The following PIBF1 variants were observed in gnomAD, a reference collection of about 807,000 sequenced individuals.
PIBF1 encodes progesterone immunomodulatory binding factor 1, also known as progesterone-induced-blocking factor 1.
PIBF1 carries 90 observed loss-of-function variants against 112.5 expected under a neutral mutation model. The ratio of observed to expected loss-of-function variants is 0.80; its 90% CI spans 0.67 to 0.95. The LOEUF is 0.95. Ranked by LOEUF, PIBF1 falls within the 40% of genes least tolerant of loss-of-function variation. PIBF1 has a pLI of 0.00. For synonymous variants in PIBF1, 301 were observed against 288.6 expected (o/e 1.04, Z -0.44); for missense variants, 915 against 852.3 (o/e 1.07, Z -0.92).
chr13:72,857,398 G>A (rs1006129118), intron 10 of PIBF1, among the ~76,000 whole-genome samples: 6 of 152,230 alleles, frequency 3.9e-5, no homozygotes, highest in Non-Finnish European at 8.8e-5. Flanking sequence ...AATGAAAAAT[G>A]TTGGTGTGGC....
chr13:72,805,363 C>T (rs950993788), intron 5 of PIBF1, among the ~76,000 whole-genome samples: 4 of 152,246 alleles, frequency 2.6e-5, no homozygotes, highest in African/African-American at 7.2e-5. Flanking sequence ...AGGATGGTCT[C>T]GATCTCCTGA....
At chr13:72,974,607 G>A (rs1411877131) in intron 16 of PIBF1, among the ~76,000 whole-genome samples, 2 of 151,972 alleles carry the variant, frequency 1.3e-5, no homozygotes, top group East Asian at 1.9e-4. Flanking sequence ...GTGTGAGCCT[G>A]TACATACATC....
At chr13:72,966,757 A>C (rs1264554909) in intron 15 of PIBF1, among the ~76,000 whole-genome samples, 1 of 151,798 alleles carries the variant, frequency 6.6e-6, no homozygotes, top group African/African-American at 2.4e-5. Context: ...ACAAATACAA[A>C]AGTTAGCTGA....
In PIBF1 at chr13:72,910,159, A is replaced by G. The variant is rs371046232; in HGVS notation, c.1639+1478A>G. On this transcript the variant is annotated intron_variant, in intron 12 of 17. Coordinates refer to ENST00000326291, the MANE Select transcript of PIBF1 (RefSeq NM_006346.4). ...CTTATTTCTTTCCTATCATTGTCCT[A>G]TTTCCCATTTCCAAGGTCAATGTCT... Among the ~76,000 whole-genome samples, 13 of 152,260 alleles carry G rather than the reference A, an allele frequency of 8.5e-5. No homozygotes were observed. In the South Asian group the frequency reaches 1.0e-3, roughly 12 times the overall value.
chr13:72,841,283 C>G (rs574638625), intron 9 of PIBF1, among the ~76,000 whole-genome samples: 3 of 152,238 alleles, frequency 2.0e-5, no homozygotes, highest in East Asian at 1.9e-4. Flanking sequence ...TAAATAACTT[C>G]TTGCTTAGTA....
At position 72,945,762 on chromosome 13, in the gene PIBF1, CAAT is replaced by C. The variant is rs1438725144; in HGVS notation, c.1833+14504_1833+14506del. On this transcript the variant is annotated intron_variant, in intron 14 of 17. Coordinates refer to ENST00000326291, the MANE Select transcript of PIBF1 (RefSeq NM_006346.4). ...GTTGAATCAAAAAGCCAAAGCTAAGCAATAATAATAAGACAAAAATGAATATAA... is the reference window on the plus strand; with the variant it reads ...GTTGAATCAAAAAGCCAAAGCTAAGCAATAATAAGACAAAAATGAATATAA... 8.6e-5 allele frequency among the ~76,000 whole-genome samples: 13 copies of C among 151,746 alleles called. 1 individual carries two copies. The highest frequency in any genetic ancestry group is 2.4e-4 in the African/African-American group (10 of 41,282).
At chr13:72,875,579 C>T (rs186924282) in intron 10 of PIBF1, among the ~76,000 whole-genome samples, 174 of 152,290 alleles carry the variant, frequency 1.1e-3, no homozygotes, top group Non-Finnish European at 1.5e-3. Context: ...ATTCCTGTTA[C>T]TCCATATCTT....
intron 10 of PIBF1, among the ~76,000 whole-genome samples, chr13:72,861,875 A>G (rs1045744225): frequency 1.3e-5 from 2 of 152,244 alleles, no homozygotes; most frequent in African/African-American, 2.4e-5. Context: ...AACTAATGAG[A>G]GAAACTATAT....
intron 5 of PIBF1, among the ~76,000 whole-genome samples, chr13:72,798,891 A>G (rs2035327595): frequency 6.6e-6 from 1 of 152,214 alleles, no homozygotes. Flanking sequence ...CTGTCCATTT[A>G]TTACTTACGT....
intron 15 of PIBF1, among the ~76,000 whole-genome samples, chr13:72,968,503 G>A (rs189063496): frequency 7.7e-4 from 117 of 151,844 alleles, no homozygotes; most frequent in African/African-American, 2.7e-3. Context: ...GTTTCACCCT[G>A]TTAGCCAGGG....
intron 10 of PIBF1, among the ~76,000 whole-genome samples, chr13:72,881,850 A>C (rs1338149279): frequency 6.6e-6 from 1 of 152,184 alleles, no homozygotes; most frequent in Non-Finnish European, 1.5e-5. Flanking sequence ...TGTTGTTAAA[A>C]TGTCCATACT....
chr13:72,830,775 G>T (rs555675791), intron 8 of PIBF1, among the ~76,000 whole-genome samples: 26 of 152,262 alleles, frequency 1.7e-4, no homozygotes, highest in African/African-American at 6.0e-4. Context: ...GTATTAGGAT[G>T]ATGCTGGCCT....
At chr13:72,872,257 T>C (rs978259619) in intron 10 of PIBF1, among the ~76,000 whole-genome samples, 1 of 152,220 alleles carries the variant, frequency 6.6e-6, no homozygotes, top group Non-Finnish European at 1.5e-5. Flanking sequence ...ATTGAAAGTA[T>C]CTTGGAGAGT....
chr13:72,955,984 A>C lies in PIBF1; in HGVS notation c.1834-9290A>C, dbSNP rs775565633. ...TTTATACAGCAGGCTTTTCTTGACA[A>C]TTTCTACCTTTAGCATATTATCTTA... is the stretch of plus-strand genomic sequence containing the variant. On this transcript the variant is annotated intron_variant, in intron 14 of 17. Coordinates refer to ENST00000326291, the MANE Select transcript of PIBF1 (RefSeq NM_006346.4). 2.0e-5 allele frequency among the ~76,000 whole-genome samples: 3 copies of C among 152,116 alleles called. No homozygotes were observed. The East Asian group carries it at 5.8e-4, about 29-fold the overall frequency.
intron 10 of PIBF1, among the ~76,000 whole-genome samples, chr13:72,858,741 A>G (rs532858754): frequency 1.3e-3 from 196 of 152,262 alleles, no homozygotes; most frequent in Non-Finnish European, 2.2e-3. Flanking sequence ...TTAAACAAAG[A>G]GTGGTTATTA....
chr13:73,013,839 C>T (rs1236043134), intron 17 of PIBF1, among the ~76,000 whole-genome samples: 1 of 151,910 alleles, frequency 6.6e-6, no homozygotes, highest in Non-Finnish European at 1.5e-5. Context: ...TCTGACTTCT[C>T]AGAAACAATG....
intron 14 of PIBF1, among the ~76,000 whole-genome samples, chr13:72,964,877 C>T (rs1246652643): frequency 6.6e-6 from 1 of 152,116 alleles, no homozygotes; most frequent in African/African-American, 2.4e-5. Flanking sequence ...GCCTGGCCAA[C>T]ATGCTGAAAC....
At chr13:72,976,888 G>A (rs986763654) in intron 16 of PIBF1, among the ~76,000 whole-genome samples, 1 of 152,066 alleles carries the variant, frequency 6.6e-6, no homozygotes, top group Admixed American at 6.6e-5. Context: ...GAAAATCAGG[G>A]CTGGGACTAG....
chr13:72,871,716 C>T (rs567154232), intron 10 of PIBF1, among the ~76,000 whole-genome samples: 2 of 152,320 alleles, frequency 1.3e-5, no homozygotes, highest in South Asian at 4.1e-4. Context: ...ACTTGTCAGT[C>T]TTCTGCCATA....
Sources: gnomAD v4.1 joint callset for allele counts (sites outside exome capture counted in the v4.1 genomes callset) on GRCh38, gnomAD v4.1.1 for gene constraint, MANE v1.5 for transcripts, NCBI Gene and HGNC (gene_info 2026-07-23, HGNC 2026-07-21) for gene names.